RIMS4: variants seen among roughly 807,000 people sequenced by gnomAD.
RIMS4 encodes regulating synaptic membrane exocytosis 4, also known as regulating synaptic membrane exocytosis protein 4.
In RIMS4, 9 loss-of-function variants were observed where a neutral mutation model predicts 29.0. The ratio of observed to expected loss-of-function variants is 0.31; its 90% CI spans 0.19 to 0.54. RIMS4 has a LOEUF of 0.54. RIMS4 is among the 20% of genes least tolerant of loss of function. The probability of loss-of-function intolerance (pLI) is 0.94; values close to 1 mark genes in which losing one functional copy is unlikely to be tolerated. For missense variants in RIMS4, 193 were observed against 365.7 expected (o/e 0.53, Z 3.85); for synonymous variants, 130 against 152.9 (o/e 0.85, Z 1.10).
At chr20:44,757,385 G>A (rs1169977639) in intron 4 of RIMS4, among the ~76,000 whole-genome samples, 2 of 151,862 alleles carry the variant, frequency 1.3e-5, no homozygotes, top group African/African-American at 4.8e-5. Flanking sequence ...AGCACCTACT[G>A]CATGCCAAGA....
chr20:44,810,460 C>G lies in RIMS4; in HGVS notation c.-189G>C, dbSNP rs2066320148. ...GGCCGGCGGGCGGGCCAGGAGCTGGCGGCGCGCGGAGCCCGAGGCGCGCTG... is the reference window on the plus strand; with the variant it reads ...GGCCGGCGGGCGGGCCAGGAGCTGGGGGCGCGCGGAGCCCGAGGCGCGCTG... On this transcript the variant is annotated 5_prime_UTR_variant, in exon 1 of 6. Coordinates refer to ENST00000372851, the MANE Select transcript of RIMS4 (RefSeq NM_182970.4). The G allele has an allele frequency of 6.9e-6, 1 of 144,282 alleles. No individual in the cohort carries two copies. Among genetic ancestry groups the G allele is most frequent in the Admixed American group, 6.9e-5 (1 of 14,460 alleles). 8.9% of individuals were successfully genotyped at this position (144,282 alleles called of 1,614,324 possible). A position where few individuals can be genotyped will look rare whatever the true frequency, so the allele number is the denominator to read the frequency against.
chr20:44,773,903 T>C (rs902843520), intron 1 of RIMS4, among the ~76,000 whole-genome samples: 1 of 152,152 alleles, frequency 6.6e-6, no homozygotes. Flanking sequence ...TTTCCCATAG[T>C]GCGGGCACAA....
At chr20:44,771,440 T>C (rs2066137114) in intron 1 of RIMS4, 27 bp from the exon 2 acceptor site, 1 of 1,595,514 alleles carries the variant, frequency 6.3e-7, no homozygotes, top group Non-Finnish European at 8.6e-7. Context: ...CCAAGAGAGA[T>C]GGGAAGAGAG....
At chr20:44,784,314 C>A (rs2066198440) in intron 1 of RIMS4, among the ~76,000 whole-genome samples, 1 of 152,146 alleles carries the variant, frequency 6.6e-6, no homozygotes, top group Admixed American at 6.5e-5. Context: ...CCTTCCAGTC[C>A]CACCAGGGCA....
chr20:44,767,116 T>G (rs2066117103), intron 2 of RIMS4, among the ~76,000 whole-genome samples: 1 of 152,178 alleles, frequency 6.6e-6, no homozygotes, highest in Non-Finnish European at 1.5e-5. Flanking sequence ...TCCCACATGC[T>G]CCTCTGCTAT....
intron 1 of RIMS4, among the ~76,000 whole-genome samples, chr20:44,805,819 G>A (rs2066296134): frequency 6.6e-6 from 1 of 151,154 alleles, no homozygotes; most frequent in Non-Finnish European, 1.5e-5. Flanking sequence ...GGTGCCTGGG[G>A]GTGTGGAGAG....
chr20:44,794,463 T>A (rs1332917927), intron 1 of RIMS4, among the ~76,000 whole-genome samples: 1 of 152,238 alleles, frequency 6.6e-6, no homozygotes, highest in Non-Finnish European at 1.5e-5. Flanking sequence ...TTTAATTTTT[T>A]AAAGACTTAG....
intron 1 of RIMS4, among the ~76,000 whole-genome samples, chr20:44,805,618 C>T (rs2066295393): frequency 6.6e-6 from 1 of 152,178 alleles, no homozygotes; most frequent in Non-Finnish European, 1.5e-5. Context: ...TCCACCCTGC[C>T]AGCCTCCTTC....
chr20:44,782,472 T>G (rs937128541), intron 1 of RIMS4, among the ~76,000 whole-genome samples: 1 of 152,120 alleles, frequency 6.6e-6, no homozygotes, highest in African/African-American at 2.4e-5. Context: ...AGATGGGGTT[T>G]CACCATGTTG....
intron 2 of RIMS4, 146 bp downstream of exon 2, chr20:44,771,129 G>T: frequency 2.2e-6 from 2 of 889,692 alleles, no homozygotes; most frequent in Non-Finnish European, 3.2e-6. Context: ...CCTCCCTTCT[G>T]AAGATGGGGG....
At chr20:44,795,880 T>C (rs2066252753) in intron 1 of RIMS4, among the ~76,000 whole-genome samples, 1 of 152,158 alleles carries the variant, frequency 6.6e-6, no homozygotes, top group Non-Finnish European at 1.5e-5. Flanking sequence ...TACCATGATA[T>C]GCCCATTGTA....
chr20:44,756,070 G>A lies in RIMS4; in HGVS notation c.*64C>T, dbSNP rs2066058396. On this transcript the variant is annotated 3_prime_UTR_variant, in exon 6 of 6. Transcript: ENST00000372851. This position sits in a 1 kb window ranked among gnomAD's most constrained non-coding sequence, Gnocchi z 5.9. The stretch of plus-strand genomic sequence containing the variant: ...TCCTGTTCAATGTGCCCCTGGGCCT[G>A]GGGTCCCAGGTCAGGGCTGGGTGGT... 2 of 1,289,194 alleles carry A rather than the reference G, an allele frequency of 1.6e-6. No individual in the cohort carries two copies. Among genetic ancestry groups the A allele is most frequent in the African/African-American group, 1.5e-5 (1 of 67,686 alleles). The allele number at this position is 1,289,194 out of a possible 1,614,324, so 79.9% of individuals were successfully genotyped here. A position where few individuals can be genotyped will look rare whatever the true frequency, so the allele number is the denominator to read the frequency against.
At chr20:44,776,941 G>T (rs1169378106) in intron 1 of RIMS4, among the ~76,000 whole-genome samples, 1 of 152,132 alleles carries the variant, frequency 6.6e-6, no homozygotes, top group Non-Finnish European at 1.5e-5. Context: ...TCAAACCCAG[G>T]CTATTCTGGC....
At chr20:44,771,436 G>T in intron 1 of RIMS4, 23 bp from the exon 2 acceptor site, 1 of 1,596,308 alleles carries the variant, frequency 6.3e-7, no homozygotes, top group Non-Finnish European at 8.6e-7. Flanking sequence ...GCGGCCAAGA[G>T]AGATGGGAAG....
intron 1 of RIMS4, among the ~76,000 whole-genome samples, chr20:44,804,434 G>A (rs2066289728): frequency 6.6e-6 from 1 of 152,148 alleles, no homozygotes; most frequent in African/African-American, 2.4e-5. Context: ...AATGGGAGAA[G>A]GTTTATAGTG....
chr20:44,809,245 A>ACT (rs199817023), intron 1 of RIMS4, among the ~76,000 whole-genome samples: 7 of 151,668 alleles, frequency 4.6e-5, no homozygotes, highest in Non-Finnish European at 8.8e-5. Context: ...TCTTTGGGGA[A>ACT]CTCTCACCCA....
chr20:44,774,624 T>G (rs1425428841), intron 1 of RIMS4, among the ~76,000 whole-genome samples: 3 of 152,230 alleles, frequency 2.0e-5, no homozygotes, highest in African/African-American at 7.2e-5. Context: ...CTTGTAATCG[T>G]GTGAATCAAC....
chr20:44,763,317 G>A (rs1451453647), intron 2 of RIMS4, among the ~76,000 whole-genome samples: 3 of 152,208 alleles, frequency 2.0e-5, no homozygotes, highest in African/African-American at 7.2e-5. Flanking sequence ...CGAGTTGTTG[G>A]GGAGAGTCAG....
intron 1 of RIMS4, among the ~76,000 whole-genome samples, chr20:44,803,571 G>T: frequency 6.6e-6 from 1 of 152,104 alleles, no homozygotes; most frequent in East Asian, 1.9e-4. Context: ...AATGAAGTGC[G>T]CACTGCTAAA....
Sources: gnomAD v4.1 joint callset for allele counts (sites outside exome capture counted in the v4.1 genomes callset) on GRCh38, gnomAD v4.1.1 for gene constraint, Gnocchi (gnomAD v3.1) non-coding constraint, MANE v1.5 for transcripts, NCBI Gene and HGNC (gene_info 2026-07-23, HGNC 2026-07-21) for gene names.